EFR3B: variants seen among roughly 807,000 people sequenced by gnomAD.
EFR3B encodes protein EFR3 homolog B.
In EFR3B, 64 loss-of-function variants were observed where a neutral mutation model predicts 104.7. The observed-to-expected ratio is 0.61, with a 90% CI of 0.50 to 0.75. The LOEUF (loss-of-function observed/expected upper bound fraction) is 0.75. Among genes scored for constraint, EFR3B ranks in the 30% least tolerant of loss-of-function variants. The pLI is 0.00. For missense variants in EFR3B, 750 were observed against 1,078.5 expected (o/e 0.70, Z 4.27); for synonymous variants, 385 against 417.9 (o/e 0.92, Z 0.96).
chr2:25,147,715 T>G (rs1178635926), intron 19 of EFR3B: 1 of 152,156 alleles, frequency 6.6e-6, no homozygotes, highest in Admixed American at 6.6e-5. Flanking sequence ...TTGCTTAAGA[T>G]TATGTTTAAA....
At chr2:25,141,485 G>A (rs1670664858) in intron 17 of EFR3B, 52 bp downstream of exon 17, 1 of 1,543,418 alleles carries the variant, frequency 6.5e-7, no homozygotes, top group Non-Finnish European at 8.8e-7. Flanking sequence ...AGCTGAGTAA[G>A]CAGGTGGGTG....
At chr2:25,124,433 G>A (rs1326527115) in intron 5 of EFR3B, among the ~76,000 whole-genome samples, 1 of 150,148 alleles carries the variant, frequency 6.7e-6, no homozygotes, top group Non-Finnish European at 1.5e-5. Flanking sequence ...TGCCCATTAA[G>A]AGGAGCAGTA....
chr2:25,069,474 A>G (rs1001243420), intron 1 of EFR3B, among the ~76,000 whole-genome samples: 21 of 152,212 alleles, frequency 1.4e-4, no homozygotes, highest in African/African-American at 2.4e-5. Context: ...AAAGAATTCA[A>G]GGGCAAGCTA....
intron 6 of EFR3B, 139 bp from the exon 7 acceptor site, chr2:25,129,836 A>T (rs1558613809): frequency 1.8e-6 from 2 of 1,114,174 alleles, no homozygotes; most frequent in Non-Finnish European, 2.5e-6. Flanking sequence ...GACAGCTGTG[A>T]CGCCTCCCCT....
intron 1 of EFR3B, among the ~76,000 whole-genome samples, chr2:25,088,040 G>T (rs138077879): frequency 4.9e-4 from 75 of 152,130 alleles, no homozygotes; most frequent in Non-Finnish European, 8.8e-4. Flanking sequence ...CCACCTGTCA[G>T]TTCTTTCACT....
chr2:25,126,250 A>G (rs189446707), intron 5 of EFR3B, among the ~76,000 whole-genome samples: 672 of 152,164 alleles, frequency 4.4e-3, no homozygotes, highest in Middle Eastern at 0.02. Flanking sequence ...ATGATCTCAC[A>G]TGATCTCAGC....
intron 2 of EFR3B, among the ~76,000 whole-genome samples, chr2:25,092,791 C>T (rs564954043): frequency 6.6e-6 from 1 of 152,330 alleles, no homozygotes; most frequent in Admixed American, 6.5e-5. Context: ...CTGCCCACCT[C>T]AGCCTCCCAA....
chr2:25,132,956 A>C lies in EFR3B; in HGVS notation c.1201A>C (p.Ile401Leu), dbSNP rs1186399706. 6.4e-7 allele frequency: 1 copy of C among 1,551,614 alleles called. No individual in the cohort carries two copies. The highest frequency in any genetic ancestry group is 1.2e-5 in the South Asian group (1 of 84,058). ...CCAGCGCTCCGAGGTGATCCTCTTC[A>C]TCATGAGCAAGGTCCCGCGGCCATC... ...TYQRSEVILF[I>L]MSKVPRPSLH... Residue 401 changes from isoleucine (I) to leucine (L), a missense_variant, in exon 11 of 23, where the codon ATC becomes CTC. Physicochemically the swap from Ile to Leu is conservative, Grantham distance 5 (BLOSUM62 2). Coordinates refer to ENST00000403714, the MANE Select transcript of EFR3B (RefSeq NM_014971.2).
At chr2:25,104,877 G>A (rs1372261219) in intron 4 of EFR3B, among the ~76,000 whole-genome samples, 3 of 152,208 alleles carry the variant, frequency 2.0e-5, no homozygotes, top group Non-Finnish European at 4.4e-5. Context: ...GGCTGCGGTC[G>A]TGGGAGAGTA....
intron 4 of EFR3B, among the ~76,000 whole-genome samples, chr2:25,107,933 T>A (rs1462729031): frequency 9.2e-5 from 14 of 151,918 alleles, no homozygotes; most frequent in African/African-American, 3.4e-4. Flanking sequence ...AACCTCCGCC[T>A]CCCAGGTTCA....
chr2:25,102,468 C>T (rs535746043), intron 3 of EFR3B, among the ~76,000 whole-genome samples: 8 of 152,188 alleles, frequency 5.3e-5, no homozygotes, highest in African/African-American at 1.7e-4. Flanking sequence ...ACAATCATAG[C>T]GAAAGTCACC....
At chr2:25,146,655 T>C (rs905786096) in intron 19 of EFR3B, 1 of 152,250 alleles carries the variant, frequency 6.6e-6, no homozygotes, top group Non-Finnish European at 1.5e-5. Context: ...ACCTCCTCAC[T>C]AGTGGCCTCC....
Position 25,042,872 on chromosome 2 carries a change from C to T in EFR3B, c.7+553C>T, listed in dbSNP as rs1033894821. 9.9e-5 allele frequency among the ~76,000 whole-genome samples: 15 copies of T among 152,276 alleles called. No homozygotes were observed. Among genetic ancestry groups the T allele is most frequent in the Non-Finnish European group, 1.0e-4 (7 of 68,030 alleles). On this transcript the variant is annotated intron_variant, in intron 1 of 22. Coordinates refer to ENST00000403714, the MANE Select transcript of EFR3B (RefSeq NM_014971.2). This position sits in a 1 kb window ranked among gnomAD's most constrained non-coding sequence, Gnocchi z 5.4. ...TGCCGCCCCGCGGGATCCAGGTTCA[C>T]CAACTTCCAGATTTTCCCTCCGCAG...
chr2:25,060,390 G>A (rs1301336448), intron 1 of EFR3B, among the ~76,000 whole-genome samples: 1 of 152,076 alleles, frequency 6.6e-6, no homozygotes, highest in Non-Finnish European at 1.5e-5. Flanking sequence ...CTTAGAAACT[G>A]GCATCTTCAT....
chr2:25,127,493 ATCTTC>A (rs1670201057), intron 5 of EFR3B, among the ~76,000 whole-genome samples: 1 of 152,332 alleles, frequency 6.6e-6, no homozygotes, highest in South Asian at 2.1e-4. Context: ...GTAGTGGTAA[ATCTTC>A]TCTTCTCTAT....
Position 25,154,302 on chromosome 2 carries a change from G to A in EFR3B, c.2416G>A (p.Val806Ile), listed in dbSNP as rs377032705. Reference protein sequence around the residue: ...YGQPQNHSIPVYEMKFPDLCV... With the variant: ...YGQPQNHSIPIYEMKFPDLCV... ...TCAGCCGCAGAACCACTCCATCCCCGTCTATGAAATGAAGTTTCCCGATCT... is the reference window on the plus strand; with the variant it reads ...TCAGCCGCAGAACCACTCCATCCCCATCTATGAAATGAAGTTTCCCGATCT... Residue 806 changes from valine (V) to isoleucine (I), a missense_variant, in exon 23 of 23, where the codon GTC becomes ATC. Coordinates refer to ENST00000403714, the MANE Select transcript of EFR3B (RefSeq NM_014971.2). This position sits in a 1 kb window ranked among gnomAD's most constrained non-coding sequence, Gnocchi z 4.1. 10 of 1,552,004 alleles carry A rather than the reference G, an allele frequency of 6.4e-6. No homozygotes were observed. Among genetic ancestry groups the A allele is most frequent in the South Asian group, 2.4e-5 (2 of 84,052 alleles).
At chr2:25,150,300 C>CAAAAAAAAAAAAAAAAAAA (rs533611175) in intron 20 of EFR3B, among the ~76,000 whole-genome samples, 1 of 62,830 alleles carries the variant, frequency 1.6e-5, no homozygotes, top group African/African-American at 4.8e-5. Context: ...ACTCCCATCT[C>CAAAAAAAAAAAAAAAAAAA]AAAAAAAAAA....
At position 25,133,034 on chromosome 2, in the gene EFR3B, C is replaced by CCTGG; in HGVS notation, c.1259+20_1259+21insCTGG. On this transcript the variant is annotated intron_variant, in intron 11 of 22. Coordinates refer to ENST00000403714, the MANE Select transcript of EFR3B (RefSeq NM_014971.2). ...GACGGGGTGAGCCACCAATCTCCCCCAGCCTGGAGTCCTCCTCTCCCCCAG... is the reference window on the plus strand; with the variant it reads ...GACGGGGTGAGCCACCAATCTCCCCCCTGGAGCCTGGAGTCCTCCTCTCCCCCAG... 2 of 1,543,494 alleles carry CCTGG rather than the reference C, an allele frequency of 1.3e-6. No homozygotes were observed. Among genetic ancestry groups the CCTGG allele is most frequent in the East Asian group, 4.9e-5 (2 of 40,800 alleles).
chr2:25,081,196 T>G, intron 1 of EFR3B: 1 of 794,484 alleles, frequency 1.3e-6, no homozygotes, highest in South Asian at 1.5e-5. Flanking sequence ...TTCCCAATCA[T>G]TTCTGAGGAA....
Sources: gnomAD v4.1 joint callset for allele counts (sites outside exome capture counted in the v4.1 genomes callset) on GRCh38, gnomAD v4.1.1 for gene constraint, Gnocchi (gnomAD v3.1) non-coding constraint, MANE v1.5 for transcripts, NCBI Gene and HGNC (gene_info 2026-07-23, HGNC 2026-07-21) for gene names.